The following CATSPERT variants were observed in gnomAD, a reference collection of about 807,000 sequenced individuals.
The protein encoded by CATSPERT is cation channel sperm-associated targeting subunit tau.
the CATSPERT span, among the ~76,000 whole-genome samples, chr2:201,588,573 A>G: frequency 6.8e-6 from 1 of 146,786 alleles, no homozygotes; most frequent in Non-Finnish European, 1.5e-5. Flanking sequence ...CCAACATCAC[A>G]CTGAATGGGC....
At chr2:201,505,690 C>A in the CATSPERT span, among the ~76,000 whole-genome samples, 1 of 152,074 alleles carries the variant, frequency 6.6e-6, no homozygotes, top group African/African-American at 2.4e-5. Context: ...ACTGGAGAGT[C>A]ATGACAACAA....
the CATSPERT span, among the ~76,000 whole-genome samples, chr2:201,578,907 C>T: frequency 2.2e-3 from 333 of 152,190 alleles, 2 homozygotes; most frequent in Admixed American, 4.2e-3. Context: ...TTTTGAGAAT[C>T]TCTGGTTGCT....
At chr2:201,590,226 A>T in the CATSPERT span, among the ~76,000 whole-genome samples, 127 of 151,772 alleles carry the variant, frequency 8.4e-4, no homozygotes, top group Non-Finnish European at 1.5e-3. Flanking sequence ...ATGAGTGAGA[A>T]TATGTGGCGT....
At chr2:201,491,847 C>G in the CATSPERT span, 7 of 1,536,856 alleles carry the variant, frequency 4.6e-6, no homozygotes, top group Admixed American at 7.8e-5. Flanking sequence ...GGTCTTGAAT[C>G]TCTGTTTTAT....
the CATSPERT span, among the ~76,000 whole-genome samples, chr2:201,583,393 C>T: frequency 2.0e-5 from 3 of 152,158 alleles, no homozygotes; most frequent in South Asian, 2.1e-4. Flanking sequence ...CTGAGTAGAA[C>T]GGAGTGTTGG....
At chr2:201,566,556 T>C in the CATSPERT span, among the ~76,000 whole-genome samples, 1 of 152,068 alleles carries the variant, frequency 6.6e-6, no homozygotes, top group African/African-American at 2.4e-5. Context: ...TATGGCTGCA[T>C]AGTATTCCAT....
the CATSPERT span, among the ~76,000 whole-genome samples, chr2:201,596,501 T>C: frequency 2.0e-5 from 3 of 152,074 alleles, no homozygotes; most frequent in Non-Finnish European, 2.9e-5. Context: ...GATGAAATAA[T>C]CTGTACAACA....
At chr2:201,543,017 T>C in the CATSPERT span, among the ~76,000 whole-genome samples, 1 of 152,198 alleles carries the variant, frequency 6.6e-6, no homozygotes, top group African/African-American at 2.4e-5. Context: ...CATTGAGAAT[T>C]GATTTTTGTT....
chr2:201,515,078 T>C, the CATSPERT span, among the ~76,000 whole-genome samples: 1 of 151,962 alleles, frequency 6.6e-6, no homozygotes, highest in African/African-American at 2.4e-5. Flanking sequence ...AAGGACTAAG[T>C]AGAATCCCAA....
the CATSPERT span, among the ~76,000 whole-genome samples, chr2:201,583,307 A>G: frequency 6.6e-5 from 10 of 152,270 alleles, no homozygotes; most frequent in Admixed American, 5.9e-4. Flanking sequence ...TGAGAACCCA[A>G]AGGGCTACGG....
the CATSPERT span, among the ~76,000 whole-genome samples, chr2:201,501,467 T>C: frequency 1.4e-5 from 2 of 147,936 alleles, no homozygotes; most frequent in Non-Finnish European, 3.0e-5. Context: ...GAACTATGTA[T>C]ACATTCCTTA....
At chr2:201,520,929 C>T in the CATSPERT span, among the ~76,000 whole-genome samples, 2 of 148,682 alleles carry the variant, frequency 1.3e-5, no homozygotes, top group African/African-American at 4.9e-5. Flanking sequence ...AAAATGGATA[C>T]CACAGAAATA....
chr2:201,540,511 A>G, the CATSPERT span, among the ~76,000 whole-genome samples: 6 of 152,216 alleles, frequency 3.9e-5, no homozygotes, highest in African/African-American at 9.6e-5. Context: ...CATTTATGTC[A>G]AGTGTACTCT....
chr2:201,556,244 T>G, the CATSPERT span, among the ~76,000 whole-genome samples: 1 of 152,202 alleles, frequency 6.6e-6, no homozygotes, highest in Non-Finnish European at 1.5e-5. Flanking sequence ...GTGCAGTGGC[T>G]TACGCCTGTA....
chr2:201,539,553 C>T, the CATSPERT span, among the ~76,000 whole-genome samples: 1 of 44,078 alleles, frequency 2.3e-5, no homozygotes, highest in African/African-American at 5.9e-5. Flanking sequence ...CACTTTTTAA[C>T]GAGGTTGTTT....
chr2:201,509,882 C>A, the CATSPERT span, among the ~76,000 whole-genome samples: 2 of 150,864 alleles, frequency 1.3e-5, no homozygotes, highest in African/African-American at 5.0e-5. Flanking sequence ...ATTCCTTACT[C>A]CCCAAATGGG....
At chr2:201,565,920 C>T in the CATSPERT span, 3 of 1,501,346 alleles carry the variant, frequency 2.0e-6, no homozygotes, top group Non-Finnish European at 2.7e-6. Flanking sequence ...CAAAAGTCCA[C>T]TTCCAAAATC....
chr2:201,545,192 C>G, the CATSPERT span, among the ~76,000 whole-genome samples: 1 of 151,750 alleles, frequency 6.6e-6, no homozygotes, highest in Non-Finnish European at 1.5e-5. Context: ...CACCTGCCAC[C>G]GCGCCTGGCT....
At chr2:201,578,238 CAG>C in the CATSPERT span, among the ~76,000 whole-genome samples, 1 of 151,900 alleles carries the variant, frequency 6.6e-6, no homozygotes, top group Non-Finnish European at 1.5e-5. Context: ...AGGGAGGAGA[CAG>C]AAGATGGCAT....
Sources: allele counts gnomAD v4.1 joint callset (sites outside exome capture counted in the v4.1 genomes callset), GRCh38; gene constraint gnomAD v4.1.1; transcripts MANE v1.5; gene names NCBI Gene and HGNC (gene_info 2026-07-23, HGNC 2026-07-21).